TMEM178B: variants seen among roughly 807,000 people sequenced by gnomAD.
The protein encoded by TMEM178B is transmembrane protein 178B.
Under a neutral mutation model 31.0 loss-of-function variants are expected in TMEM178B, and 5 were observed. The ratio of observed to expected loss-of-function variants is 0.16; its 90% CI spans 0.08 to 0.34. The LOEUF (loss-of-function observed/expected upper bound fraction) is 0.34, where lower values mean the gene tolerates loss of function less well. Ranked by LOEUF, TMEM178B falls within the 10% of genes least tolerant of loss-of-function variation. The probability of loss-of-function intolerance (pLI) is 1.00; values close to 1 mark genes in which losing one functional copy is unlikely to be tolerated. For synonymous variants in TMEM178B, 164 were observed against 164.0 expected, an observed-to-expected ratio of 1.00 and a Z score of 0.00; for missense variants, 275 against 400.3, an observed-to-expected ratio of 0.69 and a Z score of 2.67.
chr7:141,195,117 C>T, intron 1 of TMEM178B, among the ~76,000 whole-genome samples: 1 of 152,194 alleles, frequency 6.6e-6, no homozygotes, highest in Non-Finnish European at 1.5e-5. Context: ...TCTGACATGG[C>T]CTGGAGACAT....
chr7:141,469,859 G>T lies in TMEM178B; in HGVS notation c.635-677G>T, dbSNP rs556896553. The stretch of plus-strand genomic sequence containing the variant: ...GTGAAATTCTGCATAAAGTAGGGTA[G>T]ATGAGTTACCTTAATATTAACGTGG... On this transcript the variant is annotated intron_variant, in intron 3 of 3. Coordinates refer to ENST00000565468, the MANE Select transcript of TMEM178B (RefSeq NM_001195278.2). 1.6e-3 allele frequency among the ~76,000 whole-genome samples: 248 copies of T among 152,124 alleles called. 2 individuals are homozygous for T. The highest frequency in any genetic ancestry group is 5.8e-3 in the African/African-American group (241 of 41,364).
Position 141,384,598 on chromosome 7 carries a change from A to T in TMEM178B, c.497-53010A>T, listed in dbSNP as rs371568565. ...ATATCTCTGTTTTGGTACCAGTACC[A>T]TGCTGTTTTGGTTACTGTAGCCTTG... On this transcript the variant is annotated intron_variant, in intron 2 of 3. Transcript: ENST00000565468. Among the ~76,000 whole-genome samples the T allele has an allele frequency of 3.3e-5, 5 of 152,314 alleles. No homozygotes were observed. In the East Asian group the frequency reaches 5.8e-4, roughly 18 times the overall value.
chr7:141,200,833 C>T (rs1002714637), intron 1 of TMEM178B, among the ~76,000 whole-genome samples: 1 of 152,184 alleles, frequency 6.6e-6, no homozygotes, highest in African/African-American at 2.4e-5. Context: ...TTTCTCCTAA[C>T]TGCTTGATTT....
At chr7:141,372,123 C>G (rs1240684095) in intron 2 of TMEM178B, among the ~76,000 whole-genome samples, 2 of 152,274 alleles carry the variant, frequency 1.3e-5, no homozygotes, top group Middle Eastern at 6.8e-3. Context: ...TAAAGTCACT[C>G]TAGTCTGACT....
intron 2 of TMEM178B, among the ~76,000 whole-genome samples, chr7:141,294,556 T>A (rs537483477): frequency 1.2e-4 from 18 of 152,294 alleles, no homozygotes; most frequent in Non-Finnish European, 2.4e-4. Context: ...TCAAAAAATG[T>A]TAACTATACT....
chr7:141,509,626 A>G, the TMEM178B span, among the ~76,000 whole-genome samples: 1 of 152,166 alleles, frequency 6.6e-6, no homozygotes, highest in Non-Finnish European at 1.5e-5. Flanking sequence ...CTCCAGCCTG[A>G]GCAACAAGAC....
intron 1 of TMEM178B, among the ~76,000 whole-genome samples, chr7:141,130,408 A>G (rs1169349522): frequency 6.6e-6 from 1 of 152,192 alleles, no homozygotes; most frequent in Admixed American, 6.5e-5. Context: ...TTACTCCTCA[A>G]TATAAATGTA....
At chr7:141,347,109 A>G (rs752894497) in intron 2 of TMEM178B, among the ~76,000 whole-genome samples, 1 of 152,138 alleles carries the variant, frequency 6.6e-6, no homozygotes, top group Non-Finnish European at 1.5e-5. Flanking sequence ...AAGCTTCCCC[A>G]TCATGATTCC....
intron 1 of TMEM178B, among the ~76,000 whole-genome samples, chr7:141,185,473 G>A (rs965046257): frequency 2.0e-5 from 3 of 152,220 alleles, no homozygotes; most frequent in African/African-American, 7.2e-5. Context: ...ATGTCGTTCA[G>A]CAGGTCAGTG....
chr7:141,178,344 A>T (rs1471593749), intron 1 of TMEM178B, among the ~76,000 whole-genome samples: 1 of 152,242 alleles, frequency 6.6e-6, no homozygotes, highest in East Asian at 1.9e-4. Flanking sequence ...TTCTTTAAAA[A>T]TATTAATTAT....
intron 1 of TMEM178B, among the ~76,000 whole-genome samples, chr7:141,165,530 T>A (rs1249453635): frequency 6.6e-6 from 1 of 152,228 alleles, no homozygotes; most frequent in Non-Finnish European, 1.5e-5. Context: ...GCCAGGTTTC[T>A]CCACTGTCTA....
At chr7:141,183,796 A>G (rs1229694256) in intron 1 of TMEM178B, among the ~76,000 whole-genome samples, 2 of 152,252 alleles carry the variant, frequency 1.3e-5, no homozygotes, top group Non-Finnish European at 2.9e-5. Context: ...TTTGAGAAAT[A>G]AGAGCATTTT....
intron 2 of TMEM178B, among the ~76,000 whole-genome samples, chr7:141,241,616 A>G (rs935425622): frequency 2.0e-5 from 3 of 147,758 alleles, no homozygotes; most frequent in Non-Finnish European, 3.0e-5. Flanking sequence ...AAAAAAAAGA[A>G]TTTATCTGGT....
chr7:141,509,760 G>T, the TMEM178B span, among the ~76,000 whole-genome samples: 1 of 152,344 alleles, frequency 6.6e-6, no homozygotes, highest in African/African-American at 2.4e-5. Flanking sequence ...CTGATGATCA[G>T]CTGGGCATGG....
At chr7:141,394,841 A>G (rs770203921) in intron 2 of TMEM178B, among the ~76,000 whole-genome samples, 3 of 152,154 alleles carry the variant, frequency 2.0e-5, no homozygotes, top group Non-Finnish European at 4.4e-5. Flanking sequence ...CTCCTCAGCT[A>G]TATCTCACCC....
chr7:141,259,539 A>T (rs1797981527), intron 2 of TMEM178B, among the ~76,000 whole-genome samples: 1 of 152,136 alleles, frequency 6.6e-6, no homozygotes, highest in African/African-American at 2.4e-5. Flanking sequence ...GAAATTTTAG[A>T]TAATATATTG....
intron 1 of TMEM178B, among the ~76,000 whole-genome samples, chr7:141,127,183 G>T (rs1472737450): frequency 1.3e-5 from 2 of 152,062 alleles, no homozygotes; most frequent in African/African-American, 2.4e-5. Context: ...CTCCTGCAAG[G>T]GATCGAGCTC....
intron 1 of TMEM178B, among the ~76,000 whole-genome samples, chr7:141,125,679 C>CA (rs1795480484): frequency 4.2e-5 from 5 of 118,948 alleles, no homozygotes; most frequent in African/African-American, 1.7e-4. Context: ...GACTCCATCT[C>CA]GAAAAAAAAA....
At chr7:141,412,266 A>G (rs1801005052) in intron 2 of TMEM178B, among the ~76,000 whole-genome samples, 1 of 152,226 alleles carries the variant, frequency 6.6e-6, no homozygotes, top group African/African-American at 2.4e-5. Flanking sequence ...CAATGTTGTC[A>G]TTCTTATGAA....
Sources: allele counts gnomAD v4.1 joint callset (sites outside exome capture counted in the v4.1 genomes callset), GRCh38; gene constraint gnomAD v4.1.1; transcripts MANE v1.5; gene names NCBI Gene and HGNC (gene_info 2026-07-23, HGNC 2026-07-21).